Variants in ATXN1 observed in about 807,000 individuals in gnomAD.
ATXN1 encodes the protein ataxin-1.
In ATXN1, 8 loss-of-function variants were observed where a neutral mutation model predicts 56.4. The ratio of observed to expected loss-of-function variants is 0.14; its 90% CI spans 0.08 to 0.26. The LOEUF (loss-of-function observed/expected upper bound fraction) is 0.26. Among genes scored for constraint, ATXN1 ranks in the 10% least tolerant of loss-of-function variants. ATXN1 has a pLI of 1.00. For synonymous variants in ATXN1, 514 were observed against 494.6 expected (o/e 1.04, Z -0.52); for missense variants, 987 against 1,106.5 (o/e 0.89, Z 1.53).
At chr6:16,523,201 C>T (rs746544784) in intron 4 of ATXN1, among the ~76,000 whole-genome samples, 3 of 152,094 alleles carry the variant, frequency 2.0e-5, no homozygotes, top group Non-Finnish European at 2.9e-5. Flanking sequence ...CGTACCCAGC[C>T]GTGTTTTATT....
At chr6:16,610,661 C>T (rs1488837614) in intron 3 of ATXN1, among the ~76,000 whole-genome samples, 2 of 152,036 alleles carry the variant, frequency 1.3e-5, no homozygotes, top group Non-Finnish European at 1.5e-5. Flanking sequence ...TGAAGAAGCT[C>T]CCTAATCAAT....
intron 7 of ATXN1, among the ~76,000 whole-genome samples, chr6:16,317,337 T>G (rs866637182): frequency 3.3e-5 from 5 of 152,020 alleles, no homozygotes; most frequent in African/African-American, 4.8e-5. Flanking sequence ...TTCTTTCTTT[T>G]TTTTTGAGAC....
At chr6:16,504,958 C>T (rs936081318) in intron 5 of ATXN1, among the ~76,000 whole-genome samples, 1 of 151,032 alleles carries the variant, frequency 6.6e-6, no homozygotes, top group African/African-American at 2.4e-5. Context: ...CAAGAGCCCA[C>T]CTCCTCCTCC....
chr6:16,469,405 A>G (rs1760172709), intron 6 of ATXN1, among the ~76,000 whole-genome samples: 1 of 152,228 alleles, frequency 6.6e-6, no homozygotes, highest in African/African-American at 2.4e-5. Context: ...ACAAATTCAC[A>G]CCAAGGTGCT....
chr6:16,633,306 T>C (rs571541355), intron 3 of ATXN1, among the ~76,000 whole-genome samples: 2 of 152,316 alleles, frequency 1.3e-5, no homozygotes, highest in South Asian at 4.1e-4. Context: ...ATTAATTAAT[T>C]ATTTAATTAA....
At chr6:16,384,674 T>C (rs1277669568) in intron 6 of ATXN1, among the ~76,000 whole-genome samples, 1 of 152,226 alleles carries the variant, frequency 6.6e-6, no homozygotes, top group Non-Finnish European at 1.5e-5. Flanking sequence ...TAGTGAGTTC[T>C]CATGAGATCT....
At chr6:16,387,820 C>T (rs1433013478) in intron 6 of ATXN1, among the ~76,000 whole-genome samples, 3 of 152,174 alleles carry the variant, frequency 2.0e-5, no homozygotes, top group African/African-American at 7.2e-5. Context: ...CTGAGGATAT[C>T]TGCAATAATT....
intron 6 of ATXN1, among the ~76,000 whole-genome samples, chr6:16,416,346 T>C (rs1758907959): frequency 6.6e-6 from 1 of 152,278 alleles, no homozygotes; most frequent in South Asian, 2.1e-4. Flanking sequence ...AGAGAGATTT[T>C]ATTGGCTCAA....
At chr6:16,429,524 T>C (rs546548925) in intron 6 of ATXN1, among the ~76,000 whole-genome samples, 1 of 151,446 alleles carries the variant, frequency 6.6e-6, no homozygotes, top group Non-Finnish European at 1.5e-5. Flanking sequence ...TTCAAGTGAT[T>C]CTCATGCCTT....
intron 4 of ATXN1, among the ~76,000 whole-genome samples, chr6:16,542,904 G>GTC (rs372686797): frequency 1.1e-4 from 16 of 151,288 alleles, no homozygotes; most frequent in Middle Eastern, 3.4e-3. Context: ...TGAATGTGGT[G>GTC]TCTCTCTCTC....
chr6:16,416,820 G>A (rs1758919069), intron 6 of ATXN1, among the ~76,000 whole-genome samples: 1 of 152,062 alleles, frequency 6.6e-6, no homozygotes, highest in Admixed American at 6.6e-5. Flanking sequence ...TCCTCTAGTA[G>A]GCCTTTAGTT....
chr6:16,341,781 A>G (rs1761254614), intron 6 of ATXN1, among the ~76,000 whole-genome samples: 1 of 151,518 alleles, frequency 6.6e-6, no homozygotes, highest in Admixed American at 6.6e-5. Context: ...GGCCTCCCAA[A>G]GTACTGGGAT....
chr6:16,604,100 G>A (rs1379597251), intron 3 of ATXN1, among the ~76,000 whole-genome samples: 1 of 152,024 alleles, frequency 6.6e-6, no homozygotes, highest in Non-Finnish European at 1.5e-5. Context: ...CTTCGTAAAG[G>A]GGGGATTCCT....
At chr6:16,567,080 T>C (rs1762244405) in intron 4 of ATXN1, among the ~76,000 whole-genome samples, 1 of 152,210 alleles carries the variant, frequency 6.6e-6, no homozygotes, top group African/African-American at 2.4e-5. Flanking sequence ...TAGCCTTCCT[T>C]GTATTAAATC....
At chr6:16,668,595 G>A (rs1408735880) in intron 2 of ATXN1, among the ~76,000 whole-genome samples, 3 of 151,948 alleles carry the variant, frequency 2.0e-5, no homozygotes, top group Middle Eastern at 3.4e-3. Context: ...TCAGGGAAGA[G>A]AATTAGGTCT....
At chr6:16,571,168 A>G (rs900337501) in intron 4 of ATXN1, among the ~76,000 whole-genome samples, 2 of 152,168 alleles carry the variant, frequency 1.3e-5, no homozygotes, top group South Asian at 2.1e-4. Context: ...CAAGACAGCT[A>G]TTGTATTGAA....
At chr6:16,455,838 A>G (rs1759855899) in intron 6 of ATXN1, among the ~76,000 whole-genome samples, 1 of 152,214 alleles carries the variant, frequency 6.6e-6, no homozygotes, top group Non-Finnish European at 1.5e-5. Flanking sequence ...CCTGTCTTAT[A>G]AGAGGTTTGT....
At chr6:16,322,294 G>C (rs1760672819) in intron 7 of ATXN1, among the ~76,000 whole-genome samples, 1 of 152,144 alleles carries the variant, frequency 6.6e-6, no homozygotes, top group Non-Finnish European at 1.5e-5. Context: ...TTAGAGAGGA[G>C]AGTGCTGCAG....
At chr6:16,457,048 G>A (rs571145614) in intron 6 of ATXN1, among the ~76,000 whole-genome samples, 13 of 152,218 alleles carry the variant, frequency 8.5e-5, no homozygotes, top group Non-Finnish European at 1.5e-4. Context: ...CTCAGGGTAT[G>A]GCCCTCCACT....
Sources: allele counts gnomAD v4.1 joint callset (sites outside exome capture counted in the v4.1 genomes callset), GRCh38; gene constraint gnomAD v4.1.1; transcripts MANE v1.5; gene names NCBI Gene and HGNC (gene_info 2026-07-23, HGNC 2026-07-21).